Variants in FHIT observed in about 807,000 individuals in gnomAD.
The protein encoded by FHIT is bis(5'-adenosyl)-triphosphatase.
A neutral mutation model predicts 17.9 loss-of-function variants in FHIT; 19 were observed. The observed-to-expected ratio is 1.06, with a 90% CI of 0.74 to 1.56. The LOEUF is 1.56. FHIT is among the 40% of genes most tolerant of loss of function. The pLI is 0.00. For synonymous variants in FHIT, 81 were observed against 69.7 expected, an observed-to-expected ratio of 1.16 and a Z score of -0.81; for missense variants, 248 against 189.2, an observed-to-expected ratio of 1.31 and a Z score of -1.82.
At chr3:61,115,054 A>C (rs1464341841) in intron 2 of FHIT, among the ~76,000 whole-genome samples, 1 of 152,156 alleles carries the variant, frequency 6.6e-6, no homozygotes, top group Non-Finnish European at 1.5e-5. Flanking sequence ...TTCCCTTTCC[A>C]TCCGGAACAG....
rs545288111 is a variant in FHIT at position 60,266,183 on chromosome 3, T to C, written c.104-252031A>G. Among the ~76,000 whole-genome samples, 9 of 152,094 alleles carry C rather than the reference T, an allele frequency of 5.9e-5. No individual in the cohort carries two copies. In the East Asian group the frequency reaches 1.4e-3, roughly 23 times the overall value. ...CATTGATGGATGAAAAGATAAATAA[T>C]GTGGTACACGCATACAATGGAATAT... On this transcript the variant is annotated intron_variant, in intron 5 of 9. Coordinates refer to ENST00000492590, the MANE Select transcript of FHIT (RefSeq NM_002012.4).
chr3:60,505,686 C>T (rs754805751), intron 5 of FHIT, among the ~76,000 whole-genome samples: 5 of 152,098 alleles, frequency 3.3e-5, no homozygotes, highest in Non-Finnish European at 7.4e-5. Flanking sequence ...TTTTTGATTG[C>T]TATTTTTCAT....
At chr3:60,632,836 T>G (rs60903409) in intron 4 of FHIT, among the ~76,000 whole-genome samples, 3 of 152,200 alleles carry the variant, frequency 2.0e-5, no homozygotes, top group Admixed American at 6.5e-5. Flanking sequence ...ACTACCTTCT[T>G]AGACAATACA....
intron 8 of FHIT, among the ~76,000 whole-genome samples, chr3:59,893,542 AC>A (rs1205057044): frequency 6.6e-6 from 1 of 152,256 alleles, no homozygotes. Flanking sequence ...AAAGTCTGGG[AC>A]CAGCAATATG....
chr3:61,213,568 C>T (rs576893085), intron 1 of FHIT, among the ~76,000 whole-genome samples: 8 of 152,246 alleles, frequency 5.3e-5, no homozygotes, highest in East Asian at 1.9e-4. Context: ...GAGACTTTAA[C>T]AACCCACTGT....
intron 8 of FHIT, among the ~76,000 whole-genome samples, chr3:59,916,105 G>A (rs1216774172): frequency 6.6e-6 from 1 of 152,092 alleles, no homozygotes; most frequent in Non-Finnish European, 1.5e-5. Context: ...GACTGGGAGA[G>A]GCAGACCCAC....
chr3:60,425,706 G>A (rs918052217), intron 5 of FHIT, among the ~76,000 whole-genome samples: 4 of 152,034 alleles, frequency 2.6e-5, no homozygotes, highest in Admixed American at 6.6e-5. Context: ...GATTTATCAT[G>A]ATGTTAAAAG....
intron 3 of FHIT, among the ~76,000 whole-genome samples, chr3:60,986,481 T>C (rs1261348265): frequency 2.0e-5 from 3 of 152,170 alleles, no homozygotes; most frequent in Non-Finnish European, 4.4e-5. Flanking sequence ...AAAAGAAAAC[T>C]GTGAAGATAA....
At chr3:60,953,777 G>A (rs1465195375) in intron 3 of FHIT, among the ~76,000 whole-genome samples, 1 of 152,130 alleles carries the variant, frequency 6.6e-6, no homozygotes, top group Admixed American at 6.5e-5. Flanking sequence ...CCATCCAGAA[G>A]AGCAATGATG....
chr3:60,895,553 A>G (rs1207696903), intron 3 of FHIT, among the ~76,000 whole-genome samples: 4 of 152,122 alleles, frequency 2.6e-5, no homozygotes, highest in Non-Finnish European at 5.9e-5. Flanking sequence ...TAGTTGTAAA[A>G]AAGTGATTTT....
chr3:60,149,319 T>C (rs913346980), intron 5 of FHIT, among the ~76,000 whole-genome samples: 1 of 149,466 alleles, frequency 6.7e-6, no homozygotes, highest in African/African-American at 2.4e-5. Flanking sequence ...AATAGAATAG[T>C]GTTGGATATA....
At chr3:60,182,111 T>G (rs1390628716) in intron 5 of FHIT, among the ~76,000 whole-genome samples, 2 of 152,178 alleles carry the variant, frequency 1.3e-5, no homozygotes, top group African/African-American at 2.4e-5. Context: ...CCATGGCACT[T>G]GTAAACTGTC....
At chr3:60,514,168 T>G (rs1313789468) in intron 5 of FHIT, among the ~76,000 whole-genome samples, 2 of 152,194 alleles carry the variant, frequency 1.3e-5, no homozygotes, top group Admixed American at 1.3e-4. Flanking sequence ...AGACAAGAAT[T>G]CAGGAGGCAC....
chr3:59,973,186 C>T (rs934440429), intron 7 of FHIT, among the ~76,000 whole-genome samples: 8 of 152,066 alleles, frequency 5.3e-5, no homozygotes, highest in African/African-American at 1.4e-4. Flanking sequence ...CTTATCCACT[C>T]GCATTTCCTC....
At chr3:60,287,993 T>TG (rs11458053) in intron 5 of FHIT, among the ~76,000 whole-genome samples, 152,260 of 152,260 alleles carry the variant, frequency 1, 76,130 homozygotes, top group Non-Finnish European at 1. Flanking sequence ...TCATGAAGTT[T>TG]GAAGCTGATT....
chr3:60,783,613 A>G (rs782026174), intron 4 of FHIT, among the ~76,000 whole-genome samples: 1 of 152,174 alleles, frequency 6.6e-6, no homozygotes, highest in Non-Finnish European at 1.5e-5. Context: ...ATGAATTTTA[A>G]GGAAAAAGCC....
At chr3:60,621,064 T>C (rs533909005) in intron 4 of FHIT, among the ~76,000 whole-genome samples, 2 of 152,052 alleles carry the variant, frequency 1.3e-5, no homozygotes, top group African/African-American at 4.8e-5. Context: ...AACTCCCAAG[T>C]GATGTTTTCA....
chr3:60,721,180 G>A (rs559753413), intron 4 of FHIT, among the ~76,000 whole-genome samples: 19 of 152,166 alleles, frequency 1.2e-4, no homozygotes, highest in African/African-American at 3.1e-4. Context: ...TAGGTGAGCC[G>A]GGAAGCATTT....
At chr3:59,911,779 G>T (rs960165547) in intron 8 of FHIT, among the ~76,000 whole-genome samples, 3 of 152,204 alleles carry the variant, frequency 2.0e-5, no homozygotes, top group Non-Finnish European at 4.4e-5. Context: ...ACTTGCAGCT[G>T]ATAAAGGAAA....
Sources: allele counts gnomAD v4.1 joint callset (sites outside exome capture counted in the v4.1 genomes callset), GRCh38; gene constraint gnomAD v4.1.1; transcripts MANE v1.5; gene names NCBI Gene and HGNC (gene_info 2026-07-23, HGNC 2026-07-21).